Variants in SYNPR observed in about 807,000 individuals in gnomAD.
The protein encoded by SYNPR is synaptoporin.
A neutral mutation model predicts 32.9 loss-of-function variants in SYNPR; 23 were observed. The ratio of observed to expected loss-of-function variants is 0.70; its 90% confidence interval spans 0.50 to 0.99. The LOEUF (loss-of-function observed/expected upper bound fraction) is 0.99. Ranked by LOEUF, SYNPR falls within the 50% of genes least tolerant of loss-of-function variation. The probability of loss-of-function intolerance (pLI) is 0.00; values close to 1 mark genes in which losing one functional copy is unlikely to be tolerated. For synonymous variants in SYNPR, 146 were observed against 135.9 expected (o/e 1.07, Z -0.52); for missense variants, 318 against 349.3 (o/e 0.91, Z 0.71).
chr3:63,370,660 A>G (rs1257105905), intron 2 of SYNPR, among the ~76,000 whole-genome samples: 1 of 152,230 alleles, frequency 6.6e-6, no homozygotes, highest in Admixed American at 6.5e-5. Flanking sequence ...CATAATTTCT[A>G]GATGGATCTC....
chr3:63,414,331 A>T (rs1560223341), intron 2 of SYNPR, among the ~76,000 whole-genome samples: 1 of 152,170 alleles, frequency 6.6e-6, no homozygotes, highest in African/African-American at 2.4e-5. Flanking sequence ...ATAGGGGCAC[A>T]TCTGATGGAT....
chr3:63,553,501 T>A (rs1267790971), intron 3 of SYNPR, among the ~76,000 whole-genome samples: 2 of 152,198 alleles, frequency 1.3e-5, no homozygotes, highest in African/African-American at 2.4e-5. Context: ...TTTAAGTTAT[T>A]TGAGAAATCT....
intron 4 of SYNPR, among the ~76,000 whole-genome samples, chr3:63,596,421 T>C (rs891669904): frequency 2.0e-4 from 30 of 151,082 alleles, no homozygotes; most frequent in African/African-American, 7.3e-4. Flanking sequence ...TCATCCTCCT[T>C]ATTTCATCAT....
chr3:63,486,210 C>G (rs1295579572), intron 3 of SYNPR, among the ~76,000 whole-genome samples: 1 of 152,136 alleles, frequency 6.6e-6, no homozygotes, highest in Non-Finnish European at 1.5e-5. Context: ...TGCCTAGCCA[C>G]AAGTCCCTAT....
In SYNPR at chr3:63,525,720, T is replaced by C. The variant is rs545962646; in HGVS notation, c.210-30823T>C. Among the ~76,000 whole-genome samples, 3 of 152,344 alleles carry C rather than the reference T, an allele frequency of 2.0e-5. No individual in the cohort carries two copies. The East Asian group carries it at 5.8e-4, about 29-fold the overall frequency. On this transcript the variant is annotated intron_variant, in intron 3 of 5. Coordinates refer to ENST00000478300, the MANE Select transcript of SYNPR (RefSeq NM_001130003.2). Reference sequence around the variant, plus strand: ...AGAGAATGGTTGAATCCTCCAGGTCTCTGGGAATTCTACCATCTCTTGAAG... The same window carrying C: ...AGAGAATGGTTGAATCCTCCAGGTCCCTGGGAATTCTACCATCTCTTGAAG...
chr3:63,357,177 A>T (rs940158797), intron 2 of SYNPR, among the ~76,000 whole-genome samples: 3 of 152,110 alleles, frequency 2.0e-5, no homozygotes, highest in Admixed American at 6.5e-5. Flanking sequence ...CCCATTTGCT[A>T]TCCCTGTTCA....
At chr3:63,211,806 C>A in the SYNPR span, among the ~76,000 whole-genome samples, 1 of 134,752 alleles carries the variant, frequency 7.4e-6, no homozygotes, top group Non-Finnish European at 1.6e-5. Flanking sequence ...TGCGCTGCAC[C>A]CACTAACGCA....
rs143847055 is a variant in SYNPR at position 63,410,569 on chromosome 3, A to T, written c.85-70263A>T. On this transcript the variant is annotated intron_variant, in intron 2 of 5. Coordinates refer to ENST00000478300, the MANE Select transcript of SYNPR (RefSeq NM_001130003.2). ...ATGATTTATGGAGTAGGCATTGGTC[A>T]TGTTTTCCCTCATGTTTGTGTCTGC... Among the ~76,000 whole-genome samples the T allele has an allele frequency of 5.9e-3, 895 of 152,284 alleles. 14 individuals carry two copies. The highest frequency in any genetic ancestry group is 0.02 in the African/African-American group (834 of 41,556).
At chr3:63,342,148 C>G (rs1355161964) in intron 2 of SYNPR, among the ~76,000 whole-genome samples, 2 of 152,136 alleles carry the variant, frequency 1.3e-5, no homozygotes, top group African/African-American at 4.8e-5. Flanking sequence ...TCTTTGCTCC[C>G]TCTTCAAAGA....
chr3:63,405,290 T>C (rs879340409), intron 2 of SYNPR, among the ~76,000 whole-genome samples: 3 of 152,092 alleles, frequency 2.0e-5, no homozygotes, highest in Admixed American at 6.6e-5. Context: ...AAGAAATACG[T>C]GAGGCTATGA....
intron 2 of SYNPR, among the ~76,000 whole-genome samples, chr3:63,284,476 C>G (rs868172853): frequency 3.9e-5 from 6 of 152,178 alleles, no homozygotes; most frequent in Non-Finnish European, 7.3e-5. Context: ...CCTAATTTTG[C>G]AATACCTTCT....
chr3:63,419,119 A>G (rs1226998689), intron 2 of SYNPR, among the ~76,000 whole-genome samples: 1 of 152,212 alleles, frequency 6.6e-6, no homozygotes, highest in Non-Finnish European at 1.5e-5. Flanking sequence ...TATTTGAGAC[A>G]TCATGGGAAG....
At chr3:63,505,725 T>C (rs956089149) in intron 3 of SYNPR, among the ~76,000 whole-genome samples, 1 of 152,208 alleles carries the variant, frequency 6.6e-6, no homozygotes, top group African/African-American at 2.4e-5. Flanking sequence ...CCTTTCACCC[T>C]AAGAAAGCAG....
intron 2 of SYNPR, among the ~76,000 whole-genome samples, chr3:63,360,790 T>A (rs112379652): frequency 6.6e-6 from 1 of 152,214 alleles, no homozygotes; most frequent in African/African-American, 2.4e-5. Flanking sequence ...CATTACTGAC[T>A]GCACTACCTA....
At chr3:63,408,324 G>GAAAT (rs1170933397) in intron 2 of SYNPR, among the ~76,000 whole-genome samples, 1 of 109,806 alleles carries the variant, frequency 9.1e-6, no homozygotes, top group East Asian at 3.1e-4. Flanking sequence ...AGGAAGGAAA[G>GAAAT]AAAGAAAGAA....
At chr3:63,425,137 T>C (rs1023225509) in intron 2 of SYNPR, among the ~76,000 whole-genome samples, 4 of 152,074 alleles carry the variant, frequency 2.6e-5, no homozygotes, top group Admixed American at 6.6e-5. Context: ...GTGCATGAGA[T>C]GGAAAAATGC....
At chr3:63,408,337 AAAG>A (rs1477588885) in intron 2 of SYNPR, among the ~76,000 whole-genome samples, 1 of 143,196 alleles carries the variant, frequency 7.0e-6, no homozygotes, top group African/African-American at 2.8e-5. Flanking sequence ...AGAAAGAAAG[AAAG>A]AAAGAAAGAA....
chr3:63,271,725 A>C (rs2086536527), intron 3 of SYNPR, among the ~76,000 whole-genome samples: 1 of 152,138 alleles, frequency 6.6e-6, no homozygotes, highest in Non-Finnish European at 1.5e-5. Context: ...AGCTCAACTT[A>C]TAATCATCAG....
chr3:63,259,873 A>C (rs1419278488), intron 2 of SYNPR, among the ~76,000 whole-genome samples: 1 of 152,210 alleles, frequency 6.6e-6, no homozygotes, highest in East Asian at 1.9e-4. Context: ...AACTTCAGCA[A>C]AGTCTCAGGA....
Sources: allele counts gnomAD v4.1 joint callset (sites outside exome capture counted in the v4.1 genomes callset), GRCh38; gene constraint gnomAD v4.1.1; transcripts MANE v1.5; gene names NCBI Gene and HGNC (gene_info 2026-07-23, HGNC 2026-07-21).